The following MARCHF10 variants were observed in gnomAD, a reference collection of about 807,000 sequenced individuals.
The protein encoded by MARCHF10 is membrane associated ring-CH-type finger 10.
In MARCHF10, 64 loss-of-function variants were observed where a neutral mutation model predicts 76.2. That is an observed-to-expected ratio of 0.84 (90% CI 0.69 to 1.03). The LOEUF (loss-of-function observed/expected upper bound fraction) is 1.03, where lower values mean the gene tolerates loss of function less well. Among genes scored for constraint, MARCHF10 ranks in the 50% least tolerant of loss-of-function variants. The pLI is 0.00. For synonymous variants in MARCHF10, 340 were observed against 357.5 expected, an observed-to-expected ratio of 0.95 and a Z score of 0.55; for missense variants, 875 against 958.0, an observed-to-expected ratio of 0.91 and a Z score of 1.14.
At chr17:62,762,044 A>G (rs770040951) in intron 3 of MARCHF10, among the ~76,000 whole-genome samples, 2 of 152,014 alleles carry the variant, frequency 1.3e-5, no homozygotes, top group Non-Finnish European at 2.9e-5. Flanking sequence ...CAGCAGTAGC[A>G]GCAGCAGCAG....
chr17:62,754,486 C>T (rs6504122), intron 4 of MARCHF10, among the ~76,000 whole-genome samples: 2 of 151,646 alleles, frequency 1.3e-5, no homozygotes, highest in African/African-American at 4.8e-5. Flanking sequence ...TCATAAGCAG[C>T]GGAAGGCCTG....
chr17:62,718,779 G>A (rs1364858441), intron 8 of MARCHF10, among the ~76,000 whole-genome samples: 2 of 152,144 alleles, frequency 1.3e-5, no homozygotes, highest in Non-Finnish European at 2.9e-5. Context: ...GCAGTGATGT[G>A]AGACCTTCAG....
chr17:62,704,371 G>C (rs2089446185), intron 10 of MARCHF10, among the ~76,000 whole-genome samples: 1 of 152,150 alleles, frequency 6.6e-6, no homozygotes, highest in African/African-American at 2.4e-5. Context: ...GCGAGGGGGC[G>C]CTGGGATCGG....
intron 4 of MARCHF10, among the ~76,000 whole-genome samples, chr17:62,759,094 C>G (rs1451783084): frequency 2.0e-5 from 3 of 152,258 alleles, no homozygotes; most frequent in Non-Finnish European, 4.4e-5. Flanking sequence ...AGCACCTTTT[C>G]TCTCAGAGAG....
Position 62,744,473 on chromosome 17 carries a change from A to G in MARCHF10, c.438T>C (p.Phe146=). Residue 146 remains phenylalanine, a synonymous_variant, in exon 5 of 11, where the codon TTT becomes TTC. Transcript: ENST00000311269. ...GGCTGTGCGATTCTGGGCTGACTGT[A>G]AATCTCCTCAGGTTTGGCTTCCTCT... ...LRKRKPNLRR[F]TVSPESHSPR... The G allele has an allele frequency of 6.2e-7, 1 of 1,614,160 alleles. No homozygotes were observed. Among genetic ancestry groups the G allele is most frequent in the Non-Finnish European group, 8.5e-7 (1 of 1,180,022 alleles).
intron 3 of MARCHF10, among the ~76,000 whole-genome samples, chr17:62,766,949 T>A (rs1597961677): frequency 1.3e-5 from 2 of 152,016 alleles, no homozygotes; most frequent in East Asian, 3.9e-4. Flanking sequence ...TGGGAAAAGG[T>A]GAAAGGTCAA....
At chr17:62,750,818 T>C (rs1328844281) in intron 4 of MARCHF10, among the ~76,000 whole-genome samples, 1 of 152,200 alleles carries the variant, frequency 6.6e-6, no homozygotes, top group East Asian at 1.9e-4. Context: ...GAGAATGTCC[T>C]GAGGCTGCCG....
chr17:62,723,522 C>T (rs1398873651), intron 7 of MARCHF10, among the ~76,000 whole-genome samples: 1 of 132,048 alleles, frequency 7.6e-6, no homozygotes, highest in African/African-American at 3.0e-5. Flanking sequence ...CAAGGATGAA[C>T]AGGAAGTAAT....
At chr17:62,724,752 C>T (rs2090667377) in intron 7 of MARCHF10, among the ~76,000 whole-genome samples, 186 bp downstream of exon 7, 1 of 152,088 alleles carries the variant, frequency 6.6e-6, no homozygotes, top group South Asian at 2.1e-4. Flanking sequence ...AACAAAAAAC[C>T]CCCAACTCCC....
chr17:62,719,944 C>T (rs1339031670), intron 8 of MARCHF10, among the ~76,000 whole-genome samples: 1 of 152,196 alleles, frequency 6.6e-6, no homozygotes, highest in South Asian at 2.1e-4. Context: ...ATTCTTTCCT[C>T]AGCTGTATCC....
intron 8 of MARCHF10, among the ~76,000 whole-genome samples, chr17:62,718,593 G>A (rs114995753): frequency 0.014 from 2,145 of 152,236 alleles, 66 homozygotes; most frequent in African/African-American, 0.05. Flanking sequence ...GGCAGGCTCC[G>A]TTGCCCAAAA....
At chr17:62,793,509 CACCACCACCACCACCTCCAT>C (rs2092920281) in intron 2 of MARCHF10, among the ~76,000 whole-genome samples, 1 of 65,458 alleles carries the variant, frequency 1.5e-5, no homozygotes. Context: ...CCACCTCCAT[CACCACCACCACCACCTCCAT>C]CACCACCACC....
At chr17:62,796,082 G>A (rs973991605) in intron 2 of MARCHF10, among the ~76,000 whole-genome samples, 27 of 151,124 alleles carry the variant, frequency 1.8e-4, no homozygotes, top group Admixed American at 3.3e-4. Context: ...TCGGCTCACC[G>A]CAACCTCCGC....
intron 2 of MARCHF10, among the ~76,000 whole-genome samples, chr17:62,789,488 T>C (rs552374298): frequency 7.9e-5 from 12 of 152,368 alleles, no homozygotes; most frequent in Admixed American, 3.3e-4. Flanking sequence ...TTGCAATGTA[T>C]ATTAATTTAA....
Position 62,701,443 on chromosome 17 carries a change from G to A in MARCHF10, c.*260C>T, listed in dbSNP as rs2089229131. 1.3e-6 allele frequency: 1 copy of A among 743,956 alleles called. No individual in the cohort carries two copies. Among genetic ancestry groups the A allele is most frequent in the African/African-American group, 1.8e-5 (1 of 56,458 alleles). The allele number at this position is 743,956 out of a possible 1,614,324, so 46.1% of individuals were successfully genotyped here. On this transcript the variant is annotated 3_prime_UTR_variant, in exon 11 of 11. Coordinates refer to ENST00000311269, the MANE Select transcript of MARCHF10 (RefSeq NM_152598.4). ...ACCTGGCAGGGCTTCTGGGCTAAGG[G>A]GGCAGCACCAGGCCAGCCTGCCAGG...
chr17:62,715,567 A>C (rs2090151897), intron 8 of MARCHF10, among the ~76,000 whole-genome samples: 1 of 152,228 alleles, frequency 6.6e-6, no homozygotes, highest in Non-Finnish European at 1.5e-5. Context: ...TCCTGCTTCC[A>C]GGCGACAGCC....
rs567368378 is a variant in MARCHF10, at chr17:62,762,183, A to G, written c.211-2177T>C. 3.9e-5 allele frequency among the ~76,000 whole-genome samples: 6 copies of G among 152,308 alleles called. No homozygotes were observed. In the South Asian group the frequency reaches 1.2e-3, roughly 32 times the overall value. Reference sequence around the variant, plus strand: ...CCTTTATTGGTTGAGCTGTTAAGCCACGTTTATCCTTCCTCCACCCATTCA... The same window carrying G: ...CCTTTATTGGTTGAGCTGTTAAGCCGCGTTTATCCTTCCTCCACCCATTCA... On this transcript the variant is annotated intron_variant, in intron 3 of 10. Transcript: ENST00000311269.
chr17:62,724,942 T>A lies in MARCHF10; in HGVS notation c.2100A>T (p.Thr700=). 1.9e-6 allele frequency: 3 copies of A among 1,611,652 alleles called. No individual in the cohort carries two copies. The highest frequency in any genetic ancestry group is 2.5e-6 in the Non-Finnish European group (3 of 1,179,110). Reference sequence around the variant, plus strand: ...TGCACTTCCTTCCCCACCTACCTGATGTTATTTTCACTTTCAGCCACTTTT... The same window carrying A: ...TGCACTTCCTTCCCCACCTACCTGAAGTTATTTTCACTTTCAGCCACTTTT... ...CLKKWLKVKI[T]SGADLGAVKT... The change falls in exon 7 of 11, where the codon ACA becomes ACT. Residue 700 remains threonine, a synonymous_variant. Transcript: ENST00000311269.
intron 4 of MARCHF10, among the ~76,000 whole-genome samples, chr17:62,756,729 G>A (rs2092055080): frequency 6.6e-6 from 1 of 152,172 alleles, no homozygotes; most frequent in South Asian, 2.1e-4. Context: ...TGAGGAAACT[G>A]AGGCACAGAA....
Sources: gnomAD v4.1 joint callset for allele counts (sites outside exome capture counted in the v4.1 genomes callset) on GRCh38, gnomAD v4.1.1 for gene constraint, MANE v1.5 for transcripts, NCBI Gene and HGNC (gene_info 2026-07-23, HGNC 2026-07-21) for gene names.